CDH23: variants seen among roughly 807,000 people sequenced by gnomAD.
CDH23 encodes the protein cadherin related 23.
Under a neutral mutation model 317.1 loss-of-function variants are expected in CDH23, and 189 were observed. The observed-to-expected ratio is 0.60, with a 90% CI of 0.53 to 0.67. The LOEUF is 0.67. Ranked by LOEUF, CDH23 falls within the 30% of genes least tolerant of loss-of-function variation. CDH23 has a pLI of 0.00. For synonymous variants in CDH23, 1,839 were observed against 1,876.8 expected (o/e 0.98, Z 0.52); for missense variants, 4,401 against 4,592.4 (o/e 0.96, Z 1.20).
intron 68 of CDH23, 67 bp from the exon 69 acceptor site, chr10:71,813,177 G>A: frequency 1.4e-6 from 2 of 1,428,464 alleles, no homozygotes; most frequent in South Asian, 2.5e-5. Flanking sequence ...ACTCCCAGAG[G>A]GAGTGGGCGA....
intron 9 of CDH23, among the ~76,000 whole-genome samples, chr10:71,604,470 G>A (rs181943209): frequency 4.6e-5 from 7 of 152,216 alleles, no homozygotes; most frequent in African/African-American, 1.7e-4. Context: ...CCATCACCCA[G>A]TCCATGCCCT....
chr10:71,486,551 G>C lies in CDH23; in HGVS notation c.146-23531G>C, dbSNP rs116760020. Among the ~76,000 whole-genome samples the C allele has an allele frequency of 7.8e-3, 1,189 of 152,262 alleles. 17 individuals are homozygous for C. Among genetic ancestry groups the C allele is most frequent in the African/African-American group, 0.024 (981 of 41,546 alleles). ...TAATGTGGCATAAGGTGACATCACTGTCTACCAGGGTTTCCCCAAATATCA... is the reference window on the plus strand; with the variant it reads ...TAATGTGGCATAAGGTGACATCACTCTCTACCAGGGTTTCCCCAAATATCA... On this transcript the variant is annotated intron_variant, in intron 3 of 69. Coordinates refer to ENST00000224721, the MANE Select transcript of CDH23 (RefSeq NM_022124.6).
At chr10:71,439,128 G>A (rs77802094) in intron 1 of CDH23, among the ~76,000 whole-genome samples, 7,151 of 152,174 alleles carry the variant, frequency 0.047, 316 homozygotes, top group South Asian at 0.18. Flanking sequence ...CTGAGCCCCC[G>A]ATCTCACTAG....
At chr10:71,684,278 C>T (rs958705894) in intron 18 of CDH23, among the ~76,000 whole-genome samples, 1 of 152,184 alleles carries the variant, frequency 6.6e-6, no homozygotes, top group Non-Finnish European at 1.5e-5. Context: ...GACTTGACCA[C>T]AGCCCCCAAG....
intron 27 of CDH23, among the ~76,000 whole-genome samples, chr10:71,711,244 A>C (rs1865958840): frequency 6.6e-6 from 1 of 151,994 alleles, no homozygotes; most frequent in Non-Finnish European, 1.5e-5. Context: ...GGAGCCTCCC[A>C]CACACACACC....
chr10:71,761,263 G>T (rs1840376587), intron 38 of CDH23, among the ~76,000 whole-genome samples: 1 of 152,142 alleles, frequency 6.6e-6, no homozygotes, highest in Non-Finnish European at 1.5e-5. Context: ...CATGCCCCAG[G>T]GCACCAATCA....
At position 71,795,985 on chromosome 10, in the gene CDH23, T is replaced by C. The variant is rs868588702; in HGVS notation, c.6713-1119T>C. 13 of 985,712 alleles carry C rather than the reference T, an allele frequency of 1.3e-5. No homozygotes were observed. In the South Asian group the frequency reaches 5.6e-4, roughly 43 times the overall value. 61.1% of individuals were successfully genotyped at this position (985,712 alleles called of 1,614,324 possible). A position where few individuals can be genotyped will look rare whatever the true frequency, so the allele number is the denominator to read the frequency against. On this transcript the variant is annotated intron_variant, in intron 48 of 69. Transcript: ENST00000224721. ...CGTGGCCCAGCCTTTGCAGACTGAATGCAGCCGCCCTCTCCCCATCCTCGC... is the reference window on the plus strand; with the variant it reads ...CGTGGCCCAGCCTTTGCAGACTGAACGCAGCCGCCCTCTCCCCATCCTCGC...
At chr10:71,429,990 A>T (rs771666933) in intron 1 of CDH23, among the ~76,000 whole-genome samples, 1 of 152,208 alleles carries the variant, frequency 6.6e-6, no homozygotes, top group Non-Finnish European at 1.5e-5. Flanking sequence ...GGCTTCGTAG[A>T]TGAAGGGCAT....
chr10:71,616,824 A>T (rs1243838368), intron 10 of CDH23, among the ~76,000 whole-genome samples: 3 of 152,204 alleles, frequency 2.0e-5, no homozygotes, highest in Non-Finnish European at 4.4e-5. Flanking sequence ...ACCAGCACAA[A>T]CATTCTTGGC....
chr10:71,679,538 G>A (rs761144213), intron 17 of CDH23, 46 bp downstream of exon 17: 4 of 1,417,362 alleles, frequency 2.8e-6, no homozygotes, highest in African/African-American at 2.8e-5. Context: ...GGAGGGCTGG[G>A]GGGCTCTCTG....
intron 38 of CDH23, among the ~76,000 whole-genome samples, chr10:71,767,455 C>G (rs1840577996): frequency 1.3e-5 from 2 of 152,178 alleles, no homozygotes; most frequent in African/African-American, 4.8e-5. Flanking sequence ...TGTGGCTGGC[C>G]CTGCACTAGA....
At chr10:71,617,179 C>T in intron 10 of CDH23, 26 bp from the exon 11 acceptor site, 1 of 1,601,050 alleles carries the variant, frequency 6.2e-7, no homozygotes, top group Non-Finnish European at 8.5e-7. Flanking sequence ...TGCCTTCACT[C>T]CGGGGTGACT....
rs906725360 is a variant in CDH23 at position 71,702,351 on chromosome 10, T to A, written c.2587+140T>A. On this transcript the variant is annotated intron_variant, in intron 23 of 69. Coordinates refer to ENST00000224721, the MANE Select transcript of CDH23 (RefSeq NM_022124.6). The stretch of plus-strand genomic sequence containing the variant: ...GAGTAGAGTAATACCCACGCCCCAG[T>A]TGTGACTCCTAGAGCACCCTGAGGG... 5 of 1,141,116 alleles carry A rather than the reference T, an allele frequency of 4.4e-6. No individual in the cohort carries two copies. The East Asian group carries it at 7.1e-5, about 16-fold the overall frequency. 70.7% of individuals were successfully genotyped at this position (1,141,116 alleles called of 1,614,324 possible).
intron 38 of CDH23, chr10:71,752,981 A>G: frequency 1.2e-6 from 2 of 1,613,164 alleles, no homozygotes; most frequent in Non-Finnish European, 1.7e-6. Flanking sequence ...TTACCTGTCC[A>G]TCCGCACCAG....
chr10:71,489,298 T>C (rs949947747), intron 3 of CDH23, among the ~76,000 whole-genome samples: 23 of 152,370 alleles, frequency 1.5e-4, no homozygotes, highest in African/African-American at 5.3e-4. Context: ...GCGTTCTGGG[T>C]AATTTCTTCA....
In CDH23 at chr10:71,807,523, CGAAGA is replaced by C; in HGVS notation, c.8322_8326del (p.Lys2775LeufsTer50). ...CCATGATCCCACCCTCAGCCGGCAA[CGAAGA>C]GAAGAACTTCCATCTGCAGCCCGAT... is the stretch of plus-strand genomic sequence containing the variant. On this transcript the variant is annotated frameshift_variant, in exon 59 of 70. Transcript: ENST00000224721. LOFTEE classifies it high-confidence loss of function. 6.2e-7 allele frequency: 1 copy of C among 1,613,748 alleles called. No homozygotes were observed. Among genetic ancestry groups the C allele is most frequent in the Non-Finnish European group, 8.5e-7 (1 of 1,179,750 alleles).
rs74145681 is a variant in CDH23 at position 71,809,602 on chromosome 10, C to T, written c.8723-218C>T. Among the ~76,000 whole-genome samples the T allele has an allele frequency of 7.7e-4, 117 of 152,280 alleles. 1 individual carries two copies. Among genetic ancestry groups the T allele is most frequent in the African/African-American group, 2.7e-3 (112 of 41,532 alleles). On this transcript the variant is annotated intron_variant, in intron 60 of 69. Coordinates refer to ENST00000224721, the MANE Select transcript of CDH23 (RefSeq NM_022124.6). ...ACAACAGAGTCACAAACTTGTCATC[C>T]GCACTCCCCTGTGATGATAACCGGC... is the stretch of plus-strand genomic sequence containing the variant.
At chr10:71,485,012 GTTTCTTT>G (rs1852267897) in intron 3 of CDH23, among the ~76,000 whole-genome samples, 1 of 143,818 alleles carries the variant, frequency 7.0e-6, no homozygotes, top group Non-Finnish European at 1.5e-5. Context: ...CTTTCTTTTC[GTTTCTTT>G]TTTCTTTTTT....
intron 6 of CDH23, among the ~76,000 whole-genome samples, chr10:71,540,273 C>T (rs1041188522): frequency 4.6e-5 from 7 of 152,254 alleles, no homozygotes; most frequent in Admixed American, 1.3e-4. Flanking sequence ...AGACCCTGGA[C>T]CAGAAAGCAG....
Sources: gnomAD v4.1 joint callset for allele counts (sites outside exome capture counted in the v4.1 genomes callset) on GRCh38, gnomAD v4.1.1 for gene constraint, MANE v1.5 for transcripts, NCBI Gene and HGNC (gene_info 2026-07-23, HGNC 2026-07-21) for gene names.